Variants in IQSEC3 observed in about 807,000 individuals in gnomAD.
The protein encoded by IQSEC3 is IQ motif and Sec7 domain ArfGEF 3.
A neutral mutation model predicts 105.4 loss-of-function variants in IQSEC3; 50 were observed. The ratio of observed to expected loss-of-function variants is 0.47; its 90% CI spans 0.38 to 0.60. The LOEUF is 0.60. IQSEC3 is among the 20% of genes least tolerant of loss of function. The pLI, the probability that IQSEC3 is intolerant of heterozygous loss-of-function variation, is 0.00. For missense variants in IQSEC3, 1,415 were observed against 1,630.0 expected, an observed-to-expected ratio of 0.87 and a Z score of 2.27; for synonymous variants, 708 against 746.0, an observed-to-expected ratio of 0.95 and a Z score of 0.83.
intron 3 of IQSEC3, among the ~76,000 whole-genome samples, chr12:126,236 TC>T (rs1865402366): frequency 6.6e-6 from 1 of 152,154 alleles, no homozygotes; most frequent in Admixed American, 6.5e-5. Context: ...CTCTGGGGTG[TC>T]CCCACCTCCA....
At chr12:171,268 G>A (rs1555100194) in intron 13 of IQSEC3, 107 bp downstream of exon 13, 1 of 1,613,906 alleles carries the variant, frequency 6.2e-7, no homozygotes, top group African/African-American at 1.3e-5. Flanking sequence ...TGCCTCCCCA[G>A]CCCGACTCAC....
intron 5 of IQSEC3, among the ~76,000 whole-genome samples, chr12:146,801 T>C (rs1555091192): frequency 6.6e-6 from 1 of 152,116 alleles, no homozygotes; most frequent in East Asian, 1.9e-4. Flanking sequence ...TAGGGTCATT[T>C]CCACTGCTTT....
chr12:141,657 C>T (rs1866033654), intron 5 of IQSEC3: 2 of 229,848 alleles, frequency 8.7e-6, no homozygotes, highest in Non-Finnish European at 1.7e-5. Flanking sequence ...CCCTCAGCCC[C>T]CCTCCCCCAG....
intron 2 of IQSEC3, among the ~76,000 whole-genome samples, chr12:114,968 C>T (rs921430631): frequency 6.6e-6 from 1 of 152,208 alleles, no homozygotes; most frequent in African/African-American, 2.4e-5. Context: ...ACAAGGCATG[C>T]GGGAAACAGT....
rs1311907163 is a variant in IQSEC3, at chr12:104,501, G to A, written c.623+5287G>A. Among the ~76,000 whole-genome samples, 7 of 152,318 alleles carry A rather than the reference G, an allele frequency of 4.6e-5. No homozygotes were observed. The East Asian group carries it at 1.3e-3, about 29-fold the overall frequency. ...ACTGATGTTAATATTTTAGTGTGCA[G>A]CCTCCCAGTGTTTTATTTTTCTCTG... On this transcript the variant is annotated intron_variant, in intron 2 of 13. Coordinates refer to ENST00000538872, the MANE Select transcript of IQSEC3 (RefSeq NM_001170738.2).
rs1231369475 is a variant in IQSEC3 at position 171,370 on chromosome 12, C to T, written c.3114+209C>T. The T allele has an allele frequency of 5.2e-6, 8 of 1,551,458 alleles. No homozygotes were observed. The African/African-American group carries it at 1.1e-4, about 21-fold the overall frequency. ...CGCCTAATTAAGCCACGAGCTCTTT[C>T]TCCCCTTTCCCCAGCCTGCTGCCCT... On this transcript the variant is annotated intron_variant, in intron 13 of 13. Transcript: ENST00000538872.
At chr12:168,176 T>C (rs1938773751) in intron 11 of IQSEC3, among the ~76,000 whole-genome samples, 1 of 152,210 alleles carries the variant, frequency 6.6e-6, no homozygotes, top group African/African-American at 2.4e-5. Flanking sequence ...TTAATAATCA[T>C]GTCAAATCTC....
intron 2 of IQSEC3, among the ~76,000 whole-genome samples, chr12:117,536 G>A (rs1322455678): frequency 1.3e-5 from 2 of 152,108 alleles, no homozygotes; most frequent in Admixed American, 6.5e-5. Flanking sequence ...CTCCACATTC[G>A]CCCATGGGGA....
At chr12:117,253 G>T (rs1477291618) in intron 2 of IQSEC3, among the ~76,000 whole-genome samples, 2 of 152,214 alleles carry the variant, frequency 1.3e-5, no homozygotes, top group Non-Finnish European at 2.9e-5. Flanking sequence ...AGCTGTGTCT[G>T]CCTGGGCCAG....
intron 5 of IQSEC3, among the ~76,000 whole-genome samples, chr12:156,675 G>A (rs1310675739): frequency 6.6e-6 from 1 of 152,214 alleles, no homozygotes; most frequent in Non-Finnish European, 1.5e-5. Context: ...AAGAACAGAA[G>A]AATCAATATG....
intron 9 of IQSEC3, 64 bp from the exon 10 acceptor site, chr12:165,370 T>C (rs1226464495): frequency 8.0e-7 from 1 of 1,246,712 alleles, no homozygotes; most frequent in Non-Finnish European, 1.2e-6. Flanking sequence ...CCCGGGTGTT[T>C]GTGCATCCAT....
At chr12:142,079 G>C (rs1555089452) in intron 5 of IQSEC3, 1 of 152,276 alleles carries the variant, frequency 6.6e-6, no homozygotes, top group East Asian at 1.9e-4. Flanking sequence ...TGGTCCCCGA[G>C]GTTGGCCTCC....
intron 3 of IQSEC3, among the ~76,000 whole-genome samples, chr12:137,946 G>C (rs538538010): frequency 6.6e-5 from 10 of 151,962 alleles, no homozygotes; most frequent in African/African-American, 2.4e-4. Context: ...CTGCAGGCCT[G>C]AGCTAATGCG....
chr12:146,009 C>T (rs1866252054), intron 5 of IQSEC3, among the ~76,000 whole-genome samples: 1 of 152,208 alleles, frequency 6.6e-6, no homozygotes, highest in African/African-American at 2.4e-5. Flanking sequence ...TCTGCTCCAT[C>T]CTTTGTTAAA....
chr12:74,529 G>A (rs1863443938), intron 1 of IQSEC3, among the ~76,000 whole-genome samples: 1 of 152,290 alleles, frequency 6.6e-6, no homozygotes, highest in Non-Finnish European at 1.5e-5. Context: ...TAAGGGATCT[G>A]GGAGGGTTAT....
At chr12:105,955 G>A (rs73034035) in intron 2 of IQSEC3, among the ~76,000 whole-genome samples, 44,682 of 152,086 alleles carry the variant, frequency 0.29, 7,208 homozygotes, top group Non-Finnish European at 0.36. Flanking sequence ...ATTGCTGCTC[G>A]TTAAGGCACG....
At chr12:170,599 T>A (rs1279805708) in intron 12 of IQSEC3, among the ~76,000 whole-genome samples, 1 of 152,238 alleles carries the variant, frequency 6.6e-6, no homozygotes, top group African/African-American at 2.4e-5. Context: ...CCCCTGCTGC[T>A]GTGCCAGGCC....
intron 2 of IQSEC3, among the ~76,000 whole-genome samples, chr12:109,067 C>A (rs537062699): frequency 9.9e-5 from 15 of 152,260 alleles, no homozygotes; most frequent in Non-Finnish European, 2.9e-5. Flanking sequence ...AGCATCCTGG[C>A]GGACTTCTCC....
At chr12:105,676 C>A (rs1052144994) in intron 2 of IQSEC3, among the ~76,000 whole-genome samples, 1 of 152,186 alleles carries the variant, frequency 6.6e-6, no homozygotes, top group Non-Finnish European at 1.5e-5. Flanking sequence ...GGTCAAAGTA[C>A]TTTGACACTT....
Sources: gnomAD v4.1 joint callset for allele counts (sites outside exome capture counted in the v4.1 genomes callset) on GRCh38, gnomAD v4.1.1 for gene constraint, MANE v1.5 for transcripts, NCBI Gene and HGNC (gene_info 2026-07-23, HGNC 2026-07-21) for gene names.